The following USP40 variants were observed in gnomAD, a reference collection of about 807,000 sequenced individuals.
USP40 encodes ubiquitin carboxyl-terminal hydrolase 40.
Under a neutral mutation model 166.2 loss-of-function variants are expected in USP40, and 143 were observed. The observed-to-expected ratio is 0.86, with a 90% CI of 0.75 to 0.99. The LOEUF (loss-of-function observed/expected upper bound fraction) is 0.99, where lower values mean the gene tolerates loss of function less well. Among genes scored for constraint, USP40 ranks in the 50% least tolerant of loss-of-function variants. The probability of loss-of-function intolerance (pLI) is 0.00; values close to 1 mark genes in which losing one functional copy is unlikely to be tolerated. For missense variants in USP40, 1,444 were observed against 1,479.7 expected (o/e 0.98, Z 0.40); for synonymous variants, 498 against 524.0 (o/e 0.95, Z 0.68).
rs577162597 is a variant in USP40, at chr2:233,533,478, C to T, written c.1471+1G>A. 4 of 1,610,532 alleles carry T rather than the reference C, an allele frequency of 2.5e-6. No individual in the cohort carries two copies. In the South Asian group the frequency reaches 4.4e-5, roughly 18 times the overall value. On this transcript the variant is annotated splice_donor_variant, in intron 11 of 31. Coordinates refer to ENST00000678225, the MANE Select transcript of USP40 (RefSeq NM_001365479.2). LOFTEE classifies it high-confidence loss of function. Reference sequence around the variant, plus strand: ...AAATAGGAACATTTTTCTTTCCATACCTTCAGGGGGTCTCTGCAACTGGGA... The same window carrying T: ...AAATAGGAACATTTTTCTTTCCATATCTTCAGGGGGTCTCTGCAACTGGGA...
chr2:233,521,290 T>C (rs1170073536), intron 16 of USP40, among the ~76,000 whole-genome samples, 176 bp from the exon 17 acceptor site: 5 of 152,210 alleles, frequency 3.3e-5, no homozygotes, highest in East Asian at 1.9e-4. Context: ...ATAGAGTCTA[T>C]ATTCATGACT....
intron 2 of USP40, among the ~76,000 whole-genome samples, chr2:233,563,300 T>G (rs1288106097): frequency 6.6e-6 from 1 of 152,148 alleles, no homozygotes; most frequent in South Asian, 2.1e-4. Flanking sequence ...GAAAAAGAAG[T>G]TGGCAACCCC....
chr2:233,516,090 T>C (rs2067169084), intron 18 of USP40, among the ~76,000 whole-genome samples: 1 of 152,202 alleles, frequency 6.6e-6, no homozygotes, highest in Admixed American at 6.5e-5. Context: ...AAACAGCCCT[T>C]TACTAGTGCG....
At chr2:233,510,023 T>C (rs1187391197) in intron 21 of USP40, 26 bp downstream of exon 21, 4 of 1,534,770 alleles carry the variant, frequency 2.6e-6, no homozygotes, top group African/African-American at 2.7e-5. Context: ...ACACAGCCTC[T>C]GAAAACAAAA....
chr2:233,555,305 A>G (rs1286987759), intron 5 of USP40, among the ~76,000 whole-genome samples: 2 of 152,212 alleles, frequency 1.3e-5, no homozygotes, highest in South Asian at 2.1e-4. Context: ...TTGAATCACA[A>G]TATTTCTAGT....
chr2:233,506,128 G>A (rs545263932), intron 21 of USP40, among the ~76,000 whole-genome samples: 8 of 152,196 alleles, frequency 5.3e-5, no homozygotes, highest in Admixed American at 4.6e-4. Context: ...CAAAACAGCA[G>A]GGTACTGGCA....
At position 233,551,522 on chromosome 2, in the gene USP40, G is replaced by A; in HGVS notation, c.694-3C>T. On this transcript the variant is annotated splice_polypyrimidine_tract_variant and splice_region_variant and intron_variant, in intron 6 of 31. Coordinates refer to ENST00000678225, the MANE Select transcript of USP40 (RefSeq NM_001365479.2). ...GGCAGCTTACGTAATTTGGCCGACT[G>A]TTAAAAGAAAAATTTACAAAGCTTT... 1.3e-6 allele frequency: 2 copies of A among 1,580,894 alleles called. No individual in the cohort carries two copies. Among genetic ancestry groups the A allele is most frequent in the East Asian group, 2.3e-5 (1 of 44,266 alleles).
Position 233,549,092 on chromosome 2 carries a change from T to C in USP40, c.966+9A>G. On this transcript the variant is annotated intron_variant, in intron 8 of 31. Transcript: ENST00000678225. ...GCAAAGATATTTCTAAACGAATTTCTATACGTACTTGAAACTGCCAGTTTC... is the reference window on the plus strand; with the variant it reads ...GCAAAGATATTTCTAAACGAATTTCCATACGTACTTGAAACTGCCAGTTTC... 1 of 1,587,558 alleles carries C rather than the reference T, an allele frequency of 6.3e-7. No homozygotes were observed. The highest frequency in any genetic ancestry group is 1.2e-5 in the South Asian group (1 of 85,290).
rs117986426 is a variant in USP40 at position 233,553,314 on chromosome 2, T to A, written c.693+1066A>T. Among the ~76,000 whole-genome samples the A allele has an allele frequency of 1.5e-4, 23 of 152,152 alleles. 1 individual carries two copies. In the East Asian group the frequency reaches 4.2e-3, roughly 28 times the overall value. On this transcript the variant is annotated intron_variant, in intron 6 of 31. Coordinates refer to ENST00000678225, the MANE Select transcript of USP40 (RefSeq NM_001365479.2). ...CACAGAGAATTGTGAAAAGGAAATATAAATGAATGGCTGCTAGAAGATAAA... is the reference window on the plus strand; with the variant it reads ...CACAGAGAATTGTGAAAAGGAAATAAAAATGAATGGCTGCTAGAAGATAAA...
Position 233,517,781 on chromosome 2 carries a change from GGTGTGTGTGT to G in USP40, c.2383+1823_2383+1832del, listed in dbSNP as rs111938537. ...ATCAATGAGTGGATAAAGAAACTGT[GGTGTGTGTGT>G]GTGTGTGTGTGTGTGTGTGTGTGTG... On this transcript the variant is annotated intron_variant, in intron 18 of 31. Transcript: ENST00000678225. Among the ~76,000 whole-genome samples, 313 of 142,246 alleles carry G rather than the reference GGTGTGTGTGT, an allele frequency of 2.2e-3. 1 individual carries two copies. Among genetic ancestry groups the G allele is most frequent in the African/African-American group, 7.0e-3 (270 of 38,484 alleles). The allele number at this position is 142,246 out of a possible 152,430, so 93.3% of individuals were successfully genotyped here.
intron 21 of USP40, among the ~76,000 whole-genome samples, chr2:233,509,256 T>A (rs2066633587): frequency 6.6e-6 from 1 of 152,194 alleles, no homozygotes; most frequent in Admixed American, 6.5e-5. Context: ...CAGGTTTTTT[T>A]AAACCACACT....
Position 233,493,968 on chromosome 2 carries a change from T to C in USP40, c.2791-417A>G, listed in dbSNP as rs74636104. Among the ~76,000 whole-genome samples the C allele has an allele frequency of 6.3e-3, 966 of 152,280 alleles. 22 individuals are homozygous for C. In the East Asian group the frequency reaches 0.084, roughly 13 times the overall value. ...GGTTTCTGATACAAACTAAAGGAAA[T>C]AAACCCATTGTCTTATACATACCCT... On this transcript the variant is annotated intron_variant, in intron 24 of 31. Transcript: ENST00000678225. The surrounding 1 kb of genome is among the most constrained non-coding windows in gnomAD (Gnocchi z 4.7).
intron 10 of USP40, among the ~76,000 whole-genome samples, chr2:233,538,389 G>C (rs989371922): frequency 1.1e-4 from 17 of 152,016 alleles, no homozygotes; most frequent in Non-Finnish European, 2.1e-4. Context: ...AATCAACACA[G>C]GCAAAGTCGT....
Position 233,493,765 on chromosome 2 carries a change from T to G in USP40, c.2791-214A>C, listed in dbSNP as rs78467918. 0.013 allele frequency among the ~76,000 whole-genome samples: 1,943 copies of G among 152,288 alleles called. 39 individuals carry two copies. Among genetic ancestry groups the G allele is most frequent in the East Asian group, 0.084 (435 of 5,188 alleles). On this transcript the variant is annotated intron_variant, in intron 24 of 31. Transcript: ENST00000678225. This position sits in a 1 kb window ranked among gnomAD's most constrained non-coding sequence, Gnocchi z 4.7. ...GACTTTGGGGTGACTGGACTAAATA[T>G]CCCTTGCTTAAAGGTATCTTAGTAG...
chr2:233,484,938 A>C (rs1403312438), intron 30 of USP40, among the ~76,000 whole-genome samples: 1 of 152,196 alleles, frequency 6.6e-6, no homozygotes, highest in Non-Finnish European at 1.5e-5. Context: ...GGTTAGGGGA[A>C]TCCTTACTTT....
intron 13 of USP40, among the ~76,000 whole-genome samples, chr2:233,527,089 C>A (rs1226461152): frequency 1.3e-5 from 2 of 152,144 alleles, no homozygotes; most frequent in East Asian, 3.8e-4. Flanking sequence ...TCATCTTTAT[C>A]TTTTCACTCT....
intron 21 of USP40, among the ~76,000 whole-genome samples, chr2:233,502,634 C>T (rs1361262798): frequency 6.6e-6 from 1 of 152,056 alleles, no homozygotes; most frequent in Non-Finnish European, 1.5e-5. Context: ...CCAGAGAGAC[C>T]AACACACAGC....
At chr2:233,539,221 A>AAT (rs1553571956) in intron 10 of USP40, among the ~76,000 whole-genome samples, 3 of 151,520 alleles carry the variant, frequency 2.0e-5, no homozygotes, top group East Asian at 3.9e-4. Flanking sequence ...GCAAAAAAAA[A>AAT]AATAAGAAGA....
At chr2:233,563,548 C>T (rs376677069) in intron 2 of USP40, among the ~76,000 whole-genome samples, 1 of 152,076 alleles carries the variant, frequency 6.6e-6, no homozygotes, top group Non-Finnish European at 1.5e-5. Context: ...TGCTGGGACT[C>T]GGCAAAAATG....
Sources: allele counts gnomAD v4.1 joint callset (sites outside exome capture counted in the v4.1 genomes callset), GRCh38; gene constraint gnomAD v4.1.1; non-coding constraint Gnocchi (gnomAD v3.1); transcripts MANE v1.5; gene names NCBI Gene and HGNC (gene_info 2026-07-23, HGNC 2026-07-21).